ERBB4: variants seen among roughly 807,000 people sequenced by gnomAD.
ERBB4 encodes erb-b2 receptor tyrosine kinase 4, also known as receptor tyrosine-protein kinase erbB-4.
A neutral mutation model predicts 158.0 loss-of-function variants in ERBB4; 42 were observed. The observed-to-expected ratio is 0.27, with a 90% CI of 0.21 to 0.34. The LOEUF (loss-of-function observed/expected upper bound fraction) is 0.34. Among genes scored for constraint, ERBB4 ranks in the 10% least tolerant of loss-of-function variants. The pLI, the probability that ERBB4 is intolerant of heterozygous loss-of-function variation, is 1.00. For missense variants in ERBB4, 1,333 were observed against 1,624.1 expected, an observed-to-expected ratio of 0.82 and a Z score of 3.08; for synonymous variants, 583 against 558.7, an observed-to-expected ratio of 1.04 and a Z score of -0.61.
At chr2:211,766,102 A>C (rs141478430) in intron 4 of ERBB4, among the ~76,000 whole-genome samples, 1 of 152,296 alleles carries the variant, frequency 6.6e-6, no homozygotes, top group East Asian at 1.9e-4. Flanking sequence ...AAGAACTTTA[A>C]GAGAAATGTC....
At chr2:211,565,181 T>C (rs1045457888) in intron 19 of ERBB4, among the ~76,000 whole-genome samples, 8 of 152,126 alleles carry the variant, frequency 5.3e-5, no homozygotes, top group Non-Finnish European at 1.2e-4. Flanking sequence ...TTAATACAAA[T>C]AATTAAACAG....
intron 20 of ERBB4, among the ~76,000 whole-genome samples, chr2:211,502,108 G>A (rs1308566195): frequency 1.3e-5 from 2 of 152,110 alleles, no homozygotes; most frequent in African/African-American, 4.8e-5. Context: ...ATTACAGCAA[G>A]CAGATTGAAT....
intron 1 of ERBB4, among the ~76,000 whole-genome samples, chr2:212,267,599 T>TTTTTTTTTC (rs1553607833): frequency 0.24 from 9,999 of 41,456 alleles, 994 homozygotes; most frequent in African/African-American, 0.36. Flanking sequence ...TCTCATTTCT[T>TTTTTTTTTC]TTTTTTTTTT....
intron 3 of ERBB4, among the ~76,000 whole-genome samples, chr2:211,933,406 CA>C (rs979461574): frequency 6.6e-6 from 1 of 151,976 alleles, no homozygotes; most frequent in Admixed American, 6.6e-5. Flanking sequence ...CCTTTCCTTG[CA>C]AAACATACTG....
intron 2 of ERBB4, among the ~76,000 whole-genome samples, chr2:211,990,809 ATG>A (rs1185125120): frequency 6.6e-6 from 1 of 151,938 alleles, no homozygotes; most frequent in East Asian, 1.9e-4. Flanking sequence ...ACTAATAAAA[ATG>A]AGACAGTGAC....
chr2:212,228,794 T>C (rs2083564847), intron 1 of ERBB4, among the ~76,000 whole-genome samples: 1 of 152,242 alleles, frequency 6.6e-6, no homozygotes, highest in South Asian at 2.1e-4. Flanking sequence ...GATGATGATA[T>C]ATGCAATGGC....
chr2:212,095,249 T>C (rs540786041), intron 2 of ERBB4, among the ~76,000 whole-genome samples: 4 of 152,338 alleles, frequency 2.6e-5, no homozygotes, highest in South Asian at 2.1e-4. Flanking sequence ...CATGCAGTTA[T>C]CAAAACAACT....
chr2:211,665,849 T>C (rs1415823296), intron 14 of ERBB4, among the ~76,000 whole-genome samples: 1 of 152,242 alleles, frequency 6.6e-6, no homozygotes, highest in Non-Finnish European at 1.5e-5. Context: ...GTCAGTATTT[T>C]CTTCTTGTGA....
intron 1 of ERBB4, among the ~76,000 whole-genome samples, chr2:212,266,041 G>A (rs2085122583): frequency 6.6e-6 from 1 of 151,848 alleles, no homozygotes; most frequent in African/African-American, 2.4e-5. Flanking sequence ...TACCCTTTAA[G>A]AGAACCCTTC....
At chr2:211,445,792 A>T (rs2064097654) in intron 20 of ERBB4, among the ~76,000 whole-genome samples, 1 of 152,118 alleles carries the variant, frequency 6.6e-6, no homozygotes, top group Admixed American at 6.6e-5. Flanking sequence ...TGAAAGAGGA[A>T]GTCACAAGTT....
At chr2:212,442,636 C>A (rs114547565) in intron 1 of ERBB4, among the ~76,000 whole-genome samples, 2,130 of 150,142 alleles carry the variant, frequency 0.014, 48 homozygotes, top group African/African-American at 0.051. Flanking sequence ...CAGGGGGTCC[C>A]CAGACTCATC....
chr2:212,256,913 A>G (rs2084759757), intron 1 of ERBB4, among the ~76,000 whole-genome samples: 2 of 152,182 alleles, frequency 1.3e-5, no homozygotes, highest in African/African-American at 4.8e-5. Flanking sequence ...TGTGTTATTT[A>G]AATAATTTCA....
intron 1 of ERBB4, among the ~76,000 whole-genome samples, chr2:212,189,115 A>G (rs2082115795): frequency 6.6e-6 from 1 of 151,120 alleles, no homozygotes; most frequent in Non-Finnish European, 1.5e-5. Flanking sequence ...TATTTGCATA[A>G]TACCAGTTTA....
intron 20 of ERBB4, among the ~76,000 whole-genome samples, chr2:211,515,912 A>ATATAT (rs35696520): frequency 1.3e-5 from 1 of 78,984 alleles, no homozygotes; most frequent in African/African-American, 5.7e-5. Flanking sequence ...ATATATATAT[A>ATATAT]TTTTTTTTTT....
At chr2:212,530,295 G>A (rs1176141601) in intron 1 of ERBB4, among the ~76,000 whole-genome samples, 1 of 152,092 alleles carries the variant, frequency 6.6e-6, no homozygotes, top group Non-Finnish European at 1.5e-5. Flanking sequence ...TAACTGCTCT[G>A]TTCTAGACAA....
chr2:211,513,744 C>T (rs2065949422), intron 20 of ERBB4, among the ~76,000 whole-genome samples: 1 of 152,100 alleles, frequency 6.6e-6, no homozygotes. Flanking sequence ...TTTGTTAACC[C>T]CTAACAGGAA....
At chr2:212,347,997 G>A (rs776643683) in intron 1 of ERBB4, among the ~76,000 whole-genome samples, 1 of 152,000 alleles carries the variant, frequency 6.6e-6, no homozygotes, top group Non-Finnish European at 1.5e-5. Context: ...TATGTTGGAT[G>A]GATGGAGGGG....
intron 7 of ERBB4, among the ~76,000 whole-genome samples, chr2:211,716,292 G>A (rs1346425535): frequency 6.7e-6 from 1 of 149,336 alleles, no homozygotes; most frequent in African/African-American, 2.5e-5. Flanking sequence ...AACCCGGGAG[G>A]TGGAGGTTGT....
intron 2 of ERBB4, among the ~76,000 whole-genome samples, chr2:211,967,609 G>A (rs1287878602): frequency 6.6e-6 from 1 of 151,876 alleles, no homozygotes; most frequent in Non-Finnish European, 1.5e-5. Context: ...CCTGTGAAAG[G>A]ACCAAAATTA....
Sources: allele counts gnomAD v4.1 joint callset (sites outside exome capture counted in the v4.1 genomes callset), GRCh38; gene constraint gnomAD v4.1.1; transcripts MANE v1.5; gene names NCBI Gene and HGNC (gene_info 2026-07-23, HGNC 2026-07-21).